ABTB2: variants seen among roughly 807,000 people sequenced by gnomAD.
ABTB2 encodes ankyrin repeat and BTB/POZ domain-containing protein 2.
ABTB2 carries 56 observed loss-of-function variants against 104.1 expected under a neutral mutation model. The observed-to-expected ratio is 0.54, with a 90% CI of 0.43 to 0.67. The LOEUF is 0.67. Ranked by LOEUF, ABTB2 falls within the 30% of genes least tolerant of loss-of-function variation. The pLI is 0.00. For missense variants in ABTB2, 1,279 were observed against 1,407.7 expected (o/e 0.91, Z 1.46); for synonymous variants, 606 against 608.2 (o/e 1.00, Z 0.05).
At chr11:34,237,068 C>T (rs952048394) in intron 1 of ABTB2, among the ~76,000 whole-genome samples, 1 of 152,038 alleles carries the variant, frequency 6.6e-6, no homozygotes, top group Non-Finnish European at 1.5e-5. Context: ...AGAATATGTA[C>T]CTCTGGATCA....
At chr11:34,277,343 G>C (rs1040917616) in intron 1 of ABTB2, among the ~76,000 whole-genome samples, 3 of 152,062 alleles carry the variant, frequency 2.0e-5, no homozygotes, top group Non-Finnish European at 4.4e-5. Context: ...GGTAGCTTTT[G>C]GCATGTCATG....
At chr11:34,250,717 G>C (rs1039774704) in intron 1 of ABTB2, among the ~76,000 whole-genome samples, 1 of 152,204 alleles carries the variant, frequency 6.6e-6, no homozygotes, top group Non-Finnish European at 1.5e-5. Flanking sequence ...CTCCCTGAGA[G>C]AGAGAGCACC....
At chr11:34,300,805 T>C (rs1590247425) in intron 1 of ABTB2, among the ~76,000 whole-genome samples, 1 of 152,346 alleles carries the variant, frequency 6.6e-6, no homozygotes, top group East Asian at 1.9e-4. Context: ...CTAAGGACTG[T>C]AAATGCTTCC....
intron 1 of ABTB2, among the ~76,000 whole-genome samples, chr11:34,344,891 C>T (rs893947854): frequency 2.0e-5 from 3 of 152,148 alleles, no homozygotes; most frequent in African/African-American, 7.2e-5. Context: ...ACACAGCTTT[C>T]CCCACTTCAG....
chr11:34,153,299 ATTAT>A (rs888665532), intron 16 of ABTB2, among the ~76,000 whole-genome samples: 13 of 152,100 alleles, frequency 8.5e-5, no homozygotes, highest in African/African-American at 3.1e-4. Flanking sequence ...AGGGCTGGCT[ATTAT>A]TTAGCCTGCA....
chr11:34,176,871 A>C (rs1852966415), intron 3 of ABTB2, among the ~76,000 whole-genome samples: 1 of 152,204 alleles, frequency 6.6e-6, no homozygotes, highest in Non-Finnish European at 1.5e-5. Context: ...AGGAAGAAAC[A>C]ACAATCTATT....
chr11:34,336,868 G>C (rs1590261506), intron 1 of ABTB2, among the ~76,000 whole-genome samples: 1 of 152,122 alleles, frequency 6.6e-6, no homozygotes, highest in South Asian at 2.1e-4. Flanking sequence ...TCACACACCA[G>C]GTCCTGTTCC....
Position 34,357,965 on chromosome 11 carries a change from G to C in ABTB2, c.-382C>G, listed in dbSNP as rs1466094928. On this transcript the variant is annotated 5_prime_UTR_variant, in exon 1 of 17. Transcript: ENST00000435224. The stretch of plus-strand genomic sequence containing the variant: ...GGCGGCGCAGGGCGCAGGGCGCAGC[G>C]CGAGTCCGGGACCAGCCGGCGAGAA... 4.8e-5 allele frequency: 10 copies of C among 206,578 alleles called. No individual in the cohort carries two copies. The highest frequency in any genetic ancestry group is 2.3e-4 in the African/African-American group (10 of 43,258). The allele number at this position is 206,578 out of a possible 1,614,324, so 12.8% of individuals were successfully genotyped here. A position where few individuals can be genotyped will look rare whatever the true frequency, so the allele number is the denominator to read the frequency against.
intron 8 of ABTB2, 56 bp downstream of exon 8, chr11:34,165,204 G>A: frequency 1.4e-6 from 2 of 1,471,778 alleles, no homozygotes; most frequent in Non-Finnish European, 1.8e-6. Flanking sequence ...TGCCTGGCCA[G>A]GCTGGGGGGC....
At chr11:34,239,795 C>T (rs983219835) in intron 1 of ABTB2, among the ~76,000 whole-genome samples, 1 of 152,186 alleles carries the variant, frequency 6.6e-6, no homozygotes, top group Non-Finnish European at 1.5e-5. Flanking sequence ...GGGGGGCCAA[C>T]TGCAGCTGTC....
chr11:34,348,569 A>C (rs1460584147), intron 1 of ABTB2, among the ~76,000 whole-genome samples: 1 of 152,146 alleles, frequency 6.6e-6, no homozygotes, highest in Non-Finnish European at 1.5e-5. Context: ...TACCTGCCCA[A>C]ATCACTGGCA....
intron 3 of ABTB2, among the ~76,000 whole-genome samples, chr11:34,186,539 G>A (rs1250420559): frequency 6.6e-6 from 1 of 152,210 alleles, no homozygotes; most frequent in Non-Finnish European, 1.5e-5. Flanking sequence ...AGACAAAGGG[G>A]ATTGTTGCTG....
intron 1 of ABTB2, among the ~76,000 whole-genome samples, chr11:34,277,688 G>C (rs1232542106): frequency 2.0e-5 from 3 of 151,406 alleles, no homozygotes; most frequent in Non-Finnish European, 4.4e-5. Context: ...GCTGAGGCAG[G>C]AGAATCGCTT....
At chr11:34,182,455 G>A (rs1353280507) in intron 3 of ABTB2, among the ~76,000 whole-genome samples, 1 of 144,976 alleles carries the variant, frequency 6.9e-6, no homozygotes, top group Non-Finnish European at 1.5e-5. Context: ...ATCTCCACTT[G>A]TGCCCAGGTG....
intron 5 of ABTB2, among the ~76,000 whole-genome samples, chr11:34,169,926 G>A (rs957740187): frequency 6.6e-6 from 1 of 152,152 alleles, no homozygotes; most frequent in Non-Finnish European, 1.5e-5. Context: ...CTGGCCTCAC[G>A]GTCTGCCTGG....
chr11:34,268,092 G>A (rs964376999), intron 1 of ABTB2, among the ~76,000 whole-genome samples: 30 of 152,086 alleles, frequency 2.0e-4, no homozygotes, highest in African/African-American at 7.0e-4. Flanking sequence ...CACCATGCTC[G>A]GCTAACTTTT....
In ABTB2 at chr11:34,172,412, A is replaced by G. The variant is rs1349147206; in HGVS notation, c.1397+743T>C. ...AAAAAAAAAATATATATATATATAT[A>G]TATATATGTGTGTGTGTGTGTGTAT... is the stretch of plus-strand genomic sequence containing the variant. On this transcript the variant is annotated intron_variant, in intron 4 of 16. Coordinates refer to ENST00000435224, the MANE Select transcript of ABTB2 (RefSeq NM_145804.3). Among the ~76,000 whole-genome samples the G allele has an allele frequency of 2.9e-4, 20 of 68,472 alleles. 2 individuals are homozygous for G. The highest frequency in any genetic ancestry group is 1.0e-3 in the African/African-American group (20 of 19,966). The allele number at this position is 68,472 out of a possible 152,430, so 44.9% of individuals were successfully genotyped here.
chr11:34,345,705 C>T (rs1212171732), intron 1 of ABTB2, among the ~76,000 whole-genome samples: 4 of 152,196 alleles, frequency 2.6e-5, no homozygotes, highest in African/African-American at 9.7e-5. Context: ...CAGCATAGTC[C>T]TGGCCTGCCC....
chr11:34,280,120 C>T (rs10836180), intron 1 of ABTB2, among the ~76,000 whole-genome samples: 42,848 of 151,986 alleles, frequency 0.28, 7,012 homozygotes, highest in African/African-American at 0.43. Flanking sequence ...GGACCCTATG[C>T]GATAGGTGCC....
Sources: allele counts gnomAD v4.1 joint callset (sites outside exome capture counted in the v4.1 genomes callset), GRCh38; gene constraint gnomAD v4.1.1; transcripts MANE v1.5; gene names NCBI Gene and HGNC (gene_info 2026-07-23, HGNC 2026-07-21).